The following TENM3 variants were observed in gnomAD, a reference collection of about 807,000 sequenced individuals.
The protein encoded by TENM3 is teneurin-3.
A neutral mutation model predicts 255.1 loss-of-function variants in TENM3; 63 were observed. The ratio of observed to expected loss-of-function variants is 0.25; its 90% CI spans 0.20 to 0.30. The LOEUF is 0.30. Among genes scored for constraint, TENM3 ranks in the 10% least tolerant of loss-of-function variants. The pLI, the probability that TENM3 is intolerant of heterozygous loss-of-function variation, is 1.00. For synonymous variants in TENM3, 1,306 were observed against 1,322.3 expected (o/e 0.99, Z 0.27); for missense variants, 2,929 against 3,461.1 (o/e 0.85, Z 3.86).
At chr4:181,527,217 G>T in the TENM3 span, among the ~76,000 whole-genome samples, 1 of 152,210 alleles carries the variant, frequency 6.6e-6, no homozygotes, top group African/African-American at 2.4e-5. Context: ...GAATGATTTT[G>T]AAAGTTTTTA....
chr4:182,665,659 G>A (rs1413930904), intron 6 of TENM3, among the ~76,000 whole-genome samples: 1 of 152,142 alleles, frequency 6.6e-6, no homozygotes, highest in Admixed American at 6.5e-5. Flanking sequence ...ACATTGGGAG[G>A]CTGAGGCGGG....
Position 182,537,015 on chromosome 4 carries a change from T to A in TENM3, c.512-63909T>A, listed in dbSNP as rs552724072. Among the ~76,000 whole-genome samples, 7 of 152,086 alleles carry A rather than the reference T, an allele frequency of 4.6e-5. No individual in the cohort carries two copies. In the East Asian group the frequency reaches 1.4e-3, roughly 29 times the overall value. On this transcript the variant is annotated intron_variant, in intron 3 of 27. Transcript: ENST00000511685. Reference sequence around the variant, plus strand: ...CGATACACTAGGTACTTTGAAGGAGTGTCCAGAAGAATGAAAGACATAAAT... The same window carrying A: ...CGATACACTAGGTACTTTGAAGGAGAGTCCAGAAGAATGAAAGACATAAAT...
At chr4:181,722,755 T>C in the TENM3 span, among the ~76,000 whole-genome samples, 14 of 152,184 alleles carry the variant, frequency 9.2e-5, no homozygotes, top group Non-Finnish European at 1.8e-4. Flanking sequence ...TTTTCAATCT[T>C]TATGTTTCAT....
the TENM3 span, among the ~76,000 whole-genome samples, chr4:182,086,287 A>G: frequency 6.6e-6 from 1 of 152,162 alleles, no homozygotes; most frequent in African/African-American, 2.4e-5. Flanking sequence ...ACACTGCACA[A>G]ATTAAGAAGT....
intron 1 of TENM3, among the ~76,000 whole-genome samples, chr4:182,291,941 G>T (rs1177198025): frequency 6.6e-6 from 1 of 152,100 alleles, no homozygotes; most frequent in African/African-American, 2.4e-5. Flanking sequence ...CTATTATTCA[G>T]CCCTAGAATG....
chr4:182,360,647 C>T lies in TENM3; in HGVS notation c.511+13718C>T, dbSNP rs868244681. On this transcript the variant is annotated intron_variant, in intron 3 of 27. Coordinates refer to ENST00000511685, the MANE Select transcript of TENM3 (RefSeq NM_001080477.4). Reference sequence around the variant, plus strand: ...TGTGAGATGGGTTTCCTGAATACAACACACTGATGGGTCTTGACTCTTTAT... The same window carrying T: ...TGTGAGATGGGTTTCCTGAATACAATACACTGATGGGTCTTGACTCTTTAT... Among the ~76,000 whole-genome samples, 22 of 152,296 alleles carry T rather than the reference C, an allele frequency of 1.4e-4. No homozygotes were observed. In the South Asian group the frequency reaches 3.3e-3, roughly 23 times the overall value.
intron 1 of TENM3, among the ~76,000 whole-genome samples, chr4:182,162,922 C>T (rs13122617): frequency 0.81 from 123,169 of 152,100 alleles, 50,508 homozygotes; most frequent in Admixed American, 0.88. Context: ...ATATGAACTT[C>T]GGAGGGACAC....
the TENM3 span, among the ~76,000 whole-genome samples, chr4:181,798,419 C>A: frequency 6.6e-6 from 1 of 152,028 alleles, no homozygotes; most frequent in African/African-American, 2.4e-5. Flanking sequence ...AGTGATTATC[C>A]ACCCTCAGAC....
chr4:182,304,553 C>G (rs949552387), intron 1 of TENM3, among the ~76,000 whole-genome samples: 3 of 152,074 alleles, frequency 2.0e-5, no homozygotes, highest in Non-Finnish European at 4.4e-5. Flanking sequence ...ATTGTCTCAT[C>G]AAAGTTCACA....
At chr4:182,366,722 A>C (rs1262537633) in intron 3 of TENM3, among the ~76,000 whole-genome samples, 1 of 152,196 alleles carries the variant, frequency 6.6e-6, no homozygotes, top group Non-Finnish European at 1.5e-5. Flanking sequence ...CTAACTAAAA[A>C]TAAATATTTT....
At chr4:182,249,232 G>A (rs1020692485) in intron 1 of TENM3, among the ~76,000 whole-genome samples, 3 of 152,160 alleles carry the variant, frequency 2.0e-5, no homozygotes, top group Non-Finnish European at 4.4e-5. Context: ...GATGGAAGTG[G>A]AATTTAGGTT....
At chr4:181,611,440 C>T in the TENM3 span, among the ~76,000 whole-genome samples, 6 of 152,050 alleles carry the variant, frequency 3.9e-5, no homozygotes, top group African/African-American at 7.2e-5. Context: ...TCCTCTTCTG[C>T]GTTTTTTCTT....
At chr4:182,488,656 C>T (rs1005481913) in intron 3 of TENM3, among the ~76,000 whole-genome samples, 6 of 151,748 alleles carry the variant, frequency 4.0e-5, no homozygotes, top group Admixed American at 1.3e-4. Flanking sequence ...ATGAATACCA[C>T]GGAAAGAAGT....
chr4:182,379,879 C>T (rs1767449065), intron 3 of TENM3, among the ~76,000 whole-genome samples: 1 of 152,124 alleles, frequency 6.6e-6, no homozygotes, highest in Non-Finnish European at 1.5e-5. Context: ...GGTTATTGAG[C>T]AGAGATAACT....
At chr4:181,655,968 A>G in the TENM3 span, among the ~76,000 whole-genome samples, 6 of 152,174 alleles carry the variant, frequency 3.9e-5, no homozygotes, top group East Asian at 1.2e-3. Context: ...AACAGACATG[A>G]GCAGACCGGG....
intron 3 of TENM3, among the ~76,000 whole-genome samples, chr4:182,565,989 A>G (rs1479051147): frequency 6.6e-6 from 1 of 152,200 alleles, no homozygotes; most frequent in South Asian, 2.1e-4. Flanking sequence ...CTTTGTCACC[A>G]TTGTTATTGA....
At position 182,521,837 on chromosome 4, in the gene TENM3, C is replaced by T. The variant is rs1030419027; in HGVS notation, c.512-79087C>T. On this transcript the variant is annotated intron_variant, in intron 3 of 27. Transcript: ENST00000511685. ...CGTTATAGTCCATGACAGTTTTTTT[C>T]CTTGTTTTTCCCTGATTCGTTAGAG... Among the ~76,000 whole-genome samples, 5 of 151,886 alleles carry T rather than the reference C, an allele frequency of 3.3e-5. 1 individual carries two copies. Among genetic ancestry groups the T allele is most frequent in the Admixed American group, 1.3e-4 (2 of 15,260 alleles).
At chr4:181,746,665 A>G in the TENM3 span, among the ~76,000 whole-genome samples, 2 of 151,864 alleles carry the variant, frequency 1.3e-5, no homozygotes. Context: ...CTTAGGTACC[A>G]CTTTATTTTT....
At chr4:182,423,415 T>A (rs965425616) in intron 3 of TENM3, among the ~76,000 whole-genome samples, 2 of 152,176 alleles carry the variant, frequency 1.3e-5, no homozygotes, top group African/African-American at 4.8e-5. Flanking sequence ...ACAGCTGTGG[T>A]CAATATGGTT....
Sources: allele counts gnomAD v4.1 joint callset (sites outside exome capture counted in the v4.1 genomes callset), GRCh38; gene constraint gnomAD v4.1.1; transcripts MANE v1.5; gene names NCBI Gene and HGNC (gene_info 2026-07-23, HGNC 2026-07-21).